The following ACYP2 variants were observed in gnomAD, a reference collection of about 807,000 sequenced individuals.
ACYP2 encodes the protein acylphosphatase-2.
ACYP2 carries 12 observed loss-of-function variants against 11.2 expected under a neutral mutation model. The ratio of observed to expected loss-of-function variants is 1.08; its 90% CI spans 0.69 to 1.74. ACYP2 has a LOEUF of 1.74. ACYP2 is among the 40% of genes most tolerant of loss of function. The pLI is 0.00. For synonymous variants in ACYP2, 43 were observed against 32.2 expected (o/e 1.33, Z -1.13); for missense variants, 134 against 101.9 (o/e 1.31, Z -1.35).
rs75531391 is a variant in ACYP2 at position 54,239,675 on chromosome 2, A to G, written c.405-65013A>G. ...CTCCAGGGGGTTGTCTAAACCACCA[A>G]GGTTATAAAGGGCACAGCATCATCA... On this transcript the variant is annotated intron_variant, in intron 6 of 6. Coordinates refer to ENST00000607452, the MANE Select transcript of ACYP2 (RefSeq NM_001320586.2). Among the ~76,000 whole-genome samples the G allele has an allele frequency of 3.9e-5, 6 of 152,202 alleles. No individual in the cohort carries two copies. In the South Asian group the frequency reaches 1.2e-3, roughly 32 times the overall value.
At chr2:54,171,270 A>G (rs1324371255) in intron 6 of ACYP2, among the ~76,000 whole-genome samples, 1 of 152,124 alleles carries the variant, frequency 6.6e-6, no homozygotes, top group African/African-American at 2.4e-5. Context: ...AAAACTACTC[A>G]GAAGGGCTTC....
chr2:54,246,578 GCTGC>G (rs1432375569), intron 6 of ACYP2, among the ~76,000 whole-genome samples: 8 of 152,000 alleles, frequency 5.3e-5, no homozygotes, highest in South Asian at 2.1e-4. Flanking sequence ...TCTCTATCGT[GCTGC>G]CTAAGTTTTC....
intron 6 of ACYP2, among the ~76,000 whole-genome samples, chr2:54,149,107 T>C (rs543584296): frequency 3.8e-4 from 58 of 152,296 alleles, no homozygotes; most frequent in African/African-American, 1.4e-3. Flanking sequence ...AAAAATTAGC[T>C]GGGCATGGGC....
intron 2 of ACYP2, among the ~76,000 whole-genome samples, chr2:54,007,665 A>G (rs1398538886): frequency 6.6e-6 from 1 of 152,190 alleles, no homozygotes; most frequent in Non-Finnish European, 1.5e-5. Flanking sequence ...CAGTAGTTTG[A>G]GACCATCTGG....
intron 6 of ACYP2, among the ~76,000 whole-genome samples, chr2:54,186,674 T>C (rs1006539749): frequency 6.6e-6 from 1 of 151,822 alleles, no homozygotes; most frequent in Non-Finnish European, 1.5e-5. Context: ...TCACCATGCC[T>C]GGCTAATTTT....
At chr2:53,991,889 G>C (rs373832071) in intron 2 of ACYP2, among the ~76,000 whole-genome samples, 5 of 152,070 alleles carry the variant, frequency 3.3e-5, no homozygotes, top group African/African-American at 1.2e-4. Flanking sequence ...GCAGACTCGA[G>C]CTCTTGGCCT....
chr2:54,163,177 G>A (rs1046561411), intron 6 of ACYP2, among the ~76,000 whole-genome samples: 4 of 152,180 alleles, frequency 2.6e-5, no homozygotes, highest in African/African-American at 9.7e-5. Context: ...CACATTTTGA[G>A]TGGTGAGGCC....
At position 54,101,682 on chromosome 2, in the gene ACYP2, A is replaced by C. The variant is rs867668907; in HGVS notation, c.278-33771A>C. On this transcript the variant is annotated intron_variant, in intron 4 of 6. Transcript: ENST00000607452. Reference sequence around the variant, plus strand: ...GAGGGAGACTGTCTCAAAAAAAAAAAAAAAAAAACTGCCAGGTGAAGTGTG... The same window carrying C: ...GAGGGAGACTGTCTCAAAAAAAAAACAAAAAAAACTGCCAGGTGAAGTGTG... 7.0e-3 allele frequency among the ~76,000 whole-genome samples: 1,068 copies of C among 152,118 alleles called. 18 individuals are homozygous for C. Among genetic ancestry groups the C allele is most frequent in the African/African-American group, 0.025 (1,030 of 41,484 alleles).
intron 4 of ACYP2, among the ~76,000 whole-genome samples, chr2:54,088,195 C>A (rs1420275991): frequency 6.6e-6 from 1 of 152,176 alleles, no homozygotes; most frequent in Non-Finnish European, 1.5e-5. Flanking sequence ...GCCTGTATTC[C>A]AGAGAGTGTT....
At chr2:54,198,091 C>G (rs1370989947) in intron 6 of ACYP2, among the ~76,000 whole-genome samples, 2 of 151,906 alleles carry the variant, frequency 1.3e-5, no homozygotes, top group Non-Finnish European at 2.9e-5. Context: ...ACGATCTTGG[C>G]TCACTGCAAC....
intron 4 of ACYP2, among the ~76,000 whole-genome samples, chr2:54,093,298 G>A (rs1382163412): frequency 2.0e-5 from 3 of 152,168 alleles, no homozygotes; most frequent in Admixed American, 2.0e-4. Flanking sequence ...GACAACTGCC[G>A]GAAGAACTAA....
chr2:54,134,832 C>T (rs1387871537), intron 4 of ACYP2, among the ~76,000 whole-genome samples: 3 of 152,196 alleles, frequency 2.0e-5, no homozygotes, highest in African/African-American at 7.2e-5. Flanking sequence ...CCTCGATATG[C>T]TAAGCATTTA....
chr2:53,985,227 G>A (rs780549475), intron 2 of ACYP2, among the ~76,000 whole-genome samples: 20 of 151,862 alleles, frequency 1.3e-4, no homozygotes, highest in African/African-American at 4.3e-4. Context: ...CTGCCGCCAC[G>A]CCCAGTTAAC....
At chr2:54,005,199 A>G (rs2104531025) in intron 2 of ACYP2, among the ~76,000 whole-genome samples, 1 of 152,310 alleles carries the variant, frequency 6.6e-6, no homozygotes, top group African/African-American at 2.4e-5. Context: ...TGAAGTATGT[A>G]ATGTCTATAT....
At chr2:54,212,431 G>C (rs1354107355) in intron 6 of ACYP2, among the ~76,000 whole-genome samples, 1 of 152,060 alleles carries the variant, frequency 6.6e-6, no homozygotes, top group African/African-American at 2.4e-5. Flanking sequence ...CCTTTTCCCT[G>C]CACGGCTGAC....
chr2:54,257,502 A>C (rs1410487335), intron 6 of ACYP2, among the ~76,000 whole-genome samples: 1 of 152,202 alleles, frequency 6.6e-6, no homozygotes, highest in African/African-American at 2.4e-5. Flanking sequence ...TGGAAGGAGG[A>C]AACTGGAAAT....
intron 6 of ACYP2, among the ~76,000 whole-genome samples, chr2:54,209,175 A>G (rs890297492): frequency 1.3e-5 from 2 of 152,224 alleles, no homozygotes; most frequent in Non-Finnish European, 2.9e-5. Flanking sequence ...TTTGTGACCT[A>G]TTGGATTTAA....
At chr2:54,129,235 C>G (rs900291018) in intron 4 of ACYP2, among the ~76,000 whole-genome samples, 2 of 151,818 alleles carry the variant, frequency 1.3e-5, no homozygotes, top group African/African-American at 4.9e-5. Context: ...TTTAATCTTT[C>G]AGGATTGTGA....
intron 4 of ACYP2, among the ~76,000 whole-genome samples, chr2:54,130,642 C>T (rs1680846827): frequency 6.6e-6 from 1 of 152,152 alleles, no homozygotes; most frequent in Non-Finnish European, 1.5e-5. Context: ...TAAACATTAT[C>T]ACCCATTCTT....
Sources: gnomAD v4.1 joint callset for allele counts (sites outside exome capture counted in the v4.1 genomes callset) on GRCh38, gnomAD v4.1.1 for gene constraint, MANE v1.5 for transcripts, NCBI Gene and HGNC (gene_info 2026-07-23, HGNC 2026-07-21) for gene names.